The following COA8 variants were observed in gnomAD, a reference collection of about 807,000 sequenced individuals.
COA8 encodes the protein UPF0671 protein C14orf153.
Under a neutral mutation model 22.0 loss-of-function variants are expected in COA8, and 20 were observed. The observed-to-expected ratio is 0.91, with a 90% CI of 0.64 to 1.32. The LOEUF is 1.32. Ranked by LOEUF, COA8 falls within the 40% of genes most tolerant of loss-of-function variation. The pLI is 0.00. For missense variants in COA8, 266 were observed against 230.0 expected (o/e 1.16, Z -1.01); for synonymous variants, 105 against 79.9 (o/e 1.31, Z -1.68).
In COA8 at chr14:103,574,078, CTTTTTTTTTTT is replaced by C. The variant is rs11337243; in HGVS notation, c.322-14_322-4del. On this transcript the variant is annotated intron_variant, in intron 2 of 4. Transcript: ENST00000409074. The stretch of plus-strand genomic sequence containing the variant: ...AGACAGAGAAAGGAGTTCTGAGAGC[CTTTTTTTTTTT>C]TTTTTTTTTTTTTTAAGGAAAAAGA... 26 of 1,013,638 alleles carry C rather than the reference CTTTTTTTTTTT, an allele frequency of 2.6e-5. No homozygotes were observed. Among genetic ancestry groups the C allele is most frequent in the Non-Finnish European group, 3.1e-5 (24 of 777,790 alleles). 62.8% of individuals were successfully genotyped at this position (1,013,638 alleles called of 1,614,324 possible).
intron 1 of COA8, chr14:103,563,528 C>CT (rs2076109699): frequency 2.8e-6 from 1 of 352,564 alleles, no homozygotes; most frequent in Admixed American, 4.2e-5. Flanking sequence ...GCGGCGAGCA[C>CT]TTTATCATCG....
intron 3 of COA8, among the ~76,000 whole-genome samples, chr14:103,585,680 A>G (rs1478934561): frequency 2.0e-5 from 3 of 147,496 alleles, no homozygotes; most frequent in Non-Finnish European, 4.5e-5. Flanking sequence ...GGTTCAAGCA[A>G]TTCTCCTGCC....
chr14:103,567,118 A>G (rs960621753), intron 1 of COA8, among the ~76,000 whole-genome samples: 1 of 152,118 alleles, frequency 6.6e-6, no homozygotes, highest in Non-Finnish European at 1.5e-5. Context: ...CGTGCCTGTA[A>G]TCTCAGCACG....
At chr14:103,566,725 G>T (rs1029802601) in intron 1 of COA8, among the ~76,000 whole-genome samples, 3 of 152,206 alleles carry the variant, frequency 2.0e-5, no homozygotes, top group Non-Finnish European at 2.9e-5. Context: ...GCAGGGGCAG[G>T]CAGGTTGATG....
At chr14:103,590,098 C>A in intron 4 of COA8, 83 bp from the exon 5 acceptor site, 1 of 1,174,690 alleles carries the variant, frequency 8.5e-7, no homozygotes, top group Non-Finnish European at 1.3e-6. Flanking sequence ...AACTCATCCT[C>A]AACTGGGAGC....
intron 3 of COA8, among the ~76,000 whole-genome samples, chr14:103,575,171 T>G (rs993469165): frequency 1.3e-5 from 2 of 152,254 alleles, no homozygotes; most frequent in African/African-American, 4.8e-5. Context: ...TGTACATGTG[T>G]GTGTGCTTGT....
At chr14:103,586,984 G>A (rs1252275878) in intron 3 of COA8, among the ~76,000 whole-genome samples, 5 of 152,174 alleles carry the variant, frequency 3.3e-5, no homozygotes, top group Non-Finnish European at 7.3e-5. Context: ...GATTATAGGC[G>A]TGACCCACTG....
At chr14:103,563,323 G>A in intron 1 of COA8, 199 bp downstream of exon 1, 1 of 756,312 alleles carries the variant, frequency 1.3e-6, no homozygotes, top group East Asian at 2.7e-5. Context: ...GGGTGCCGCC[G>A]CCACCACGCC....
intron 2 of COA8, 60 bp downstream of exon 2, chr14:103,571,880 C>T: frequency 3.4e-6 from 5 of 1,462,652 alleles, no homozygotes; most frequent in South Asian, 2.4e-5. Flanking sequence ...GTAATCCCAG[C>T]ACTTCGGGAT....
chr14:103,578,594 A>G (rs2076245584), intron 3 of COA8, among the ~76,000 whole-genome samples: 1 of 152,238 alleles, frequency 6.6e-6, no homozygotes, highest in African/African-American at 2.4e-5. Flanking sequence ...CTCGGTTTTC[A>G]GTAAGTGTGG....
intron 4 of COA8, 115 bp downstream of exon 4, chr14:103,587,479 A>G: frequency 1.9e-6 from 1 of 536,804 alleles, no homozygotes; most frequent in African/African-American, 2.0e-5. Flanking sequence ...AAGTTGCAAG[A>G]CTTTATCAAC....
chr14:103,577,666 C>T (rs895509617), intron 3 of COA8, among the ~76,000 whole-genome samples: 1 of 151,734 alleles, frequency 6.6e-6, no homozygotes, highest in Admixed American at 6.6e-5. Context: ...ATCACTTGAG[C>T]CCAGGAGTTT....
chr14:103,568,605 A>G (rs1314372889), intron 1 of COA8, among the ~76,000 whole-genome samples: 2 of 113,574 alleles, frequency 1.8e-5, no homozygotes, highest in Non-Finnish European at 3.5e-5. Context: ...GTATACGTAT[A>G]TATATATGTG....
intron 1 of COA8, among the ~76,000 whole-genome samples, chr14:103,567,035 G>C (rs910593405): frequency 6.6e-6 from 1 of 152,096 alleles, no homozygotes; most frequent in Non-Finnish European, 1.5e-5. Context: ...AGCCTCTTTA[G>C]TAGCTGGGGC....
chr14:103,575,162 G>A (rs1458440572), intron 3 of COA8, among the ~76,000 whole-genome samples: 1 of 152,264 alleles, frequency 6.6e-6, no homozygotes, highest in African/African-American at 2.4e-5. Flanking sequence ...GTGCACGTGT[G>A]TACATGTGTG....
In COA8 at chr14:103,581,235, G is replaced by A. The variant is rs138395803; in HGVS notation, c.386-6039G>A. Among the ~76,000 whole-genome samples, 1 of 152,314 alleles carries A rather than the reference G, an allele frequency of 6.6e-6. No homozygotes were observed. The highest frequency in any genetic ancestry group is 2.4e-5 in the African/African-American group (1 of 41,570). On this transcript the variant is annotated intron_variant, in intron 3 of 4. Coordinates refer to ENST00000409074, the MANE Select transcript of COA8 (RefSeq NM_001370595.2). The surrounding 1 kb of genome is among the most constrained non-coding windows in gnomAD (Gnocchi z 4.1). ...ATGATAAAGTTTATAAATTAGGCAT[G>A]AGAGACTAGCAATGATAACTAATAA...
intron 3 of COA8, among the ~76,000 whole-genome samples, chr14:103,578,951 G>A (rs1482840570): frequency 6.6e-6 from 1 of 152,206 alleles, no homozygotes; most frequent in Non-Finnish European, 1.5e-5. Flanking sequence ...ACACACTAGA[G>A]AGGAAGAAAC....
intron 2 of COA8, among the ~76,000 whole-genome samples, chr14:103,573,331 G>A (rs1054971111): frequency 1.3e-5 from 2 of 151,436 alleles, no homozygotes; most frequent in South Asian, 2.1e-4. Flanking sequence ...CACCACACCC[G>A]GCTAATTTTT....
chr14:103,568,049 A>G (rs990660143), intron 1 of COA8, among the ~76,000 whole-genome samples: 6 of 152,200 alleles, frequency 3.9e-5, no homozygotes, highest in African/African-American at 1.4e-4. Flanking sequence ...CCCTCAGTAA[A>G]TATGAAGTTC....
Sources: gnomAD v4.1 joint callset for allele counts (sites outside exome capture counted in the v4.1 genomes callset) on GRCh38, gnomAD v4.1.1 for gene constraint, Gnocchi (gnomAD v3.1) non-coding constraint, MANE v1.5 for transcripts, NCBI Gene and HGNC (gene_info 2026-07-23, HGNC 2026-07-21) for gene names.